The following CCDC7 variants were observed in gnomAD, a reference collection of about 807,000 sequenced individuals.
CCDC7 encodes coiled-coil domain-containing protein 7.
A neutral mutation model predicts 196.9 loss-of-function variants in CCDC7; 183 were observed. The observed-to-expected ratio is 0.93, with a 90% CI of 0.82 to 1.05. The LOEUF is 1.05. Among genes scored for constraint, CCDC7 ranks in the 50% least tolerant of loss-of-function variants. The probability of loss-of-function intolerance (pLI) is 0.00; values close to 1 mark genes in which losing one functional copy is unlikely to be tolerated. For synonymous variants in CCDC7, 525 were observed against 484.6 expected (o/e 1.08, Z -1.10); for missense variants, 1,540 against 1,482.2 (o/e 1.04, Z -0.64).
At chr10:32,537,474 T>G (rs1461339647) in intron 11 of CCDC7, among the ~76,000 whole-genome samples, 1 of 152,198 alleles carries the variant, frequency 6.6e-6, no homozygotes, top group Non-Finnish European at 1.5e-5. Context: ...GATAGTTTCT[T>G]TTGTTATGCA....
intron 28 of CCDC7, among the ~76,000 whole-genome samples, chr10:32,762,707 C>G (rs1213122379): frequency 6.6e-6 from 1 of 151,182 alleles, no homozygotes; most frequent in Non-Finnish European, 1.5e-5. Flanking sequence ...AGAAATAAAC[C>G]CAAGCATTTA....
intron 11 of CCDC7, among the ~76,000 whole-genome samples, chr10:32,523,076 C>A (rs750221388): frequency 1.3e-5 from 2 of 152,056 alleles, no homozygotes; most frequent in Non-Finnish European, 2.9e-5. Flanking sequence ...GTTTTGTGAC[C>A]TAACATATGG....
At chr10:32,445,901 C>T (rs1420787015), upstream of CCDC7, among the ~76,000 whole-genome samples, 1 of 152,222 alleles carries the variant, frequency 6.6e-6, no homozygotes, top group Non-Finnish European at 1.5e-5. Flanking sequence ...CCTCCGCGGG[C>T]CTCTAGGCCA....
chr10:32,688,927 TG>T, intron 22 of CCDC7, 125 bp from the exon 24 acceptor site: 1 of 652,192 alleles, frequency 1.5e-6, no homozygotes, highest in Middle Eastern at 2.6e-4. Context: ...TATAGCATTA[TG>T]GTAATTTATT....
At chr10:32,727,078 C>A (rs187951375) in intron 26 of CCDC7, among the ~76,000 whole-genome samples, 20 of 152,078 alleles carry the variant, frequency 1.3e-4, no homozygotes, top group Non-Finnish European at 2.9e-4. Flanking sequence ...CCCAATAATT[C>A]GCCTACAGTA....
chr10:32,831,042 CAT>C (rs1565644000), intron 32 of CCDC7, among the ~76,000 whole-genome samples: 1 of 152,232 alleles, frequency 6.6e-6, no homozygotes, highest in South Asian at 2.1e-4. Flanking sequence ...ATGCAAAAAT[CAT>C]AGAGTATACT....
At chr10:32,852,112 G>A (rs767083400) in intron 40 of CCDC7, among the ~76,000 whole-genome samples, 180 bp downstream of exon 41, 10 of 152,144 alleles carry the variant, frequency 6.6e-5, no homozygotes, top group Non-Finnish European at 1.5e-4. Context: ...AGTTGTCCCT[G>A]GCATTTCTCT....
At chr10:32,613,907 G>A (rs2062466740) in intron 18 of CCDC7, among the ~76,000 whole-genome samples, 1 of 152,096 alleles carries the variant, frequency 6.6e-6, no homozygotes, top group Admixed American at 6.5e-5. Context: ...ATGTTTATTA[G>A]GTCTGCTTCT....
At chr10:32,685,734 T>C (rs1190369049) in intron 21 of CCDC7, among the ~76,000 whole-genome samples, 2 of 152,150 alleles carry the variant, frequency 1.3e-5, no homozygotes, top group Admixed American at 6.5e-5. Flanking sequence ...AGGAAAAATA[T>C]AGACTAACTA....
At chr10:32,544,139 A>T (rs1004176304) in intron 12 of CCDC7, 108 bp from the exon 14 acceptor site, 85 of 931,636 alleles carry the variant, frequency 9.1e-5, no homozygotes, top group Middle Eastern at 5.0e-4. Flanking sequence ...GAATTTTTTT[A>T]AAAAAACTTC....
chr10:32,635,105 G>A, exon 20 of CCDC7: 1 of 398,754 alleles, frequency 2.5e-6, no homozygotes, highest in East Asian at 3.6e-5. Context: ...TTAGTTTCAA[G>A]AATCCAATCT....
At chr10:32,742,274 T>A (rs1434590402) in intron 28 of CCDC7, among the ~76,000 whole-genome samples, 1 of 152,014 alleles carries the variant, frequency 6.6e-6, no homozygotes, top group Admixed American at 6.6e-5. Context: ...CCACACAGAC[T>A]CCCCACTGTC....
intron 11 of CCDC7, among the ~76,000 whole-genome samples, chr10:32,522,477 A>G (rs1441178329): frequency 2.0e-5 from 3 of 152,240 alleles, no homozygotes; most frequent in Non-Finnish European, 4.4e-5. Context: ...AGTAGCCACT[A>G]ATGATTCTTT....
intron 23 of CCDC7, 111 bp from the exon 25 acceptor site, chr10:32,694,767 AC>A: frequency 1.8e-6 from 1 of 554,666 alleles, no homozygotes; most frequent in Non-Finnish European, 3.1e-6. Context: ...TAATTTACTT[AC>A]AAATTTATCA....
chr10:32,501,881 C>A (rs1373457541), intron 9 of CCDC7, among the ~76,000 whole-genome samples: 1 of 152,230 alleles, frequency 6.6e-6, no homozygotes, highest in African/African-American at 2.4e-5. Flanking sequence ...GCTGGGAGAA[C>A]TGCTCCTCTC....
chr10:32,580,473 G>A (rs1430582513), intron 16 of CCDC7, among the ~76,000 whole-genome samples: 1 of 151,828 alleles, frequency 6.6e-6, no homozygotes, highest in Non-Finnish European at 1.5e-5. Context: ...TAATTGTATT[G>A]TATTGTAAAA....
intron 20 of CCDC7, among the ~76,000 whole-genome samples, chr10:32,638,302 T>C (rs1479786580): frequency 3.9e-5 from 6 of 152,236 alleles, no homozygotes; most frequent in Non-Finnish European, 7.3e-5. Flanking sequence ...CATCCCTGTC[T>C]TGTGCCAGTT....
At chr10:32,461,293 C>T (rs886843405) in intron 3 of CCDC7, among the ~76,000 whole-genome samples, 1 of 152,062 alleles carries the variant, frequency 6.6e-6, no homozygotes, top group Admixed American at 6.6e-5. Context: ...CTTAAATGTG[C>T]TGAGAACACT....
At chr10:32,631,414 C>A (rs1165798618) in intron 18 of CCDC7, among the ~76,000 whole-genome samples, 1 of 151,968 alleles carries the variant, frequency 6.6e-6, no homozygotes. Flanking sequence ...CTATTTTCTC[C>A]CCACTGAATT....
Sources: allele counts gnomAD v4.1 joint callset (sites outside exome capture counted in the v4.1 genomes callset), GRCh38; gene constraint gnomAD v4.1.1; transcripts MANE v1.5; gene names NCBI Gene and HGNC (gene_info 2026-07-23, HGNC 2026-07-21).